Variants in ZNRF1 observed in about 807,000 individuals in gnomAD.
ZNRF1 encodes zinc and ring finger 1, also known as E3 ubiquitin-protein ligase ZNRF1.
ZNRF1 carries 3 observed loss-of-function variants against 18.4 expected under a neutral mutation model. The ratio of observed to expected loss-of-function variants is 0.16; its 90% CI spans 0.07 to 0.42. The LOEUF (loss-of-function observed/expected upper bound fraction) is 0.42. Ranked by LOEUF, ZNRF1 falls within the 10% of genes least tolerant of loss-of-function variation. The probability of loss-of-function intolerance (pLI) is 0.99; values close to 1 mark genes in which losing one functional copy is unlikely to be tolerated. For synonymous variants in ZNRF1, 157 were observed against 144.2 expected, an observed-to-expected ratio of 1.09 and a Z score of -0.64; for missense variants, 310 against 329.8, an observed-to-expected ratio of 0.94 and a Z score of 0.47.
At chr16:75,091,407 G>T (rs2036138131) in intron 1 of ZNRF1, among the ~76,000 whole-genome samples, 1 of 151,358 alleles carries the variant, frequency 6.6e-6, no homozygotes, top group Middle Eastern at 3.4e-3. Flanking sequence ...GTTATCACTA[G>T]TATCAATTAA....
intron 2 of ZNRF1, 48 bp from the exon 3 acceptor site, chr16:75,104,736 G>C: frequency 6.5e-7 from 1 of 1,527,206 alleles, no homozygotes; most frequent in Non-Finnish European, 8.9e-7. Flanking sequence ...CATGCCACCT[G>C]TCCACTGGTG....
chr16:75,019,026 C>T (rs568050368), intron 1 of ZNRF1, among the ~76,000 whole-genome samples: 249 of 152,020 alleles, frequency 1.6e-3, no homozygotes, highest in Admixed American at 3.8e-3. Flanking sequence ...GTTAGCCGGG[C>T]GTGGTGGCGC....
chr16:75,073,182 A>G (rs975579614), intron 1 of ZNRF1, among the ~76,000 whole-genome samples: 8 of 150,976 alleles, frequency 5.3e-5, no homozygotes, highest in African/African-American at 2.0e-4. Flanking sequence ...ATGTATATAT[A>G]TATACACACA....
At chr16:75,029,207 C>T (rs933904473) in intron 1 of ZNRF1, among the ~76,000 whole-genome samples, 6 of 151,914 alleles carry the variant, frequency 3.9e-5, no homozygotes, top group Middle Eastern at 3.4e-3. Flanking sequence ...AGTGCAGTGG[C>T]GCCATCTCAG....
intron 1 of ZNRF1, among the ~76,000 whole-genome samples, chr16:75,024,696 A>G (rs2145340603): frequency 6.6e-6 from 1 of 152,382 alleles, no homozygotes; most frequent in African/African-American, 2.4e-5. Flanking sequence ...AGGGAGTTGG[A>G]AAGGCTGAAC....
chr16:75,057,803 G>C (rs1271709980), intron 1 of ZNRF1, among the ~76,000 whole-genome samples: 3 of 152,150 alleles, frequency 2.0e-5, no homozygotes, highest in African/African-American at 7.2e-5. Flanking sequence ...ACCACACCCA[G>C]CTAATTATTG....
chr16:75,039,759 G>C (rs113740036), intron 1 of ZNRF1, among the ~76,000 whole-genome samples: 9 of 152,186 alleles, frequency 5.9e-5, no homozygotes, highest in East Asian at 1.9e-4. Context: ...TGATTCTTAC[G>C]TGTGCTGTTG....
intron 2 of ZNRF1, among the ~76,000 whole-genome samples, chr16:75,100,572 C>T (rs1445481576): frequency 6.6e-6 from 1 of 152,202 alleles, no homozygotes; most frequent in African/African-American, 2.4e-5. Flanking sequence ...GGGGAGAGAA[C>T]ACACCTGGTG....
At chr16:75,014,072 C>G in intron 1 of ZNRF1, among the ~76,000 whole-genome samples, 1 of 152,124 alleles carries the variant, frequency 6.6e-6, no homozygotes, top group Non-Finnish European at 1.5e-5. Context: ...CTCAGATGAT[C>G]CACCCGCCTT....
At chr16:75,085,791 T>TGTGAGAGA (rs2036065188) in intron 1 of ZNRF1, among the ~76,000 whole-genome samples, 1 of 139,042 alleles carries the variant, frequency 7.2e-6, no homozygotes, top group African/African-American at 2.9e-5. Context: ...TCCGACAGAG[T>TGTGAGAGA]GAGAGAGAGA....
At chr16:75,042,590 T>C (rs1014166698) in intron 1 of ZNRF1, among the ~76,000 whole-genome samples, 2 of 152,186 alleles carry the variant, frequency 1.3e-5, no homozygotes, top group African/African-American at 2.4e-5. Context: ...TCAATTCTGT[T>C]CCATTGATTT....
At chr16:75,002,340 G>A (rs1156961785) in intron 1 of ZNRF1, 1 of 152,198 alleles carries the variant, frequency 6.6e-6, no homozygotes, top group Non-Finnish European at 1.5e-5. Context: ...GCTGCAAGAA[G>A]CAAAACTTGT....
At chr16:75,054,657 TAATA>T (rs2035646718) in intron 1 of ZNRF1, among the ~76,000 whole-genome samples, 1 of 152,250 alleles carries the variant, frequency 6.6e-6, no homozygotes, top group African/African-American at 2.4e-5. Flanking sequence ...AGCAATCAGG[TAATA>T]CTGGCACTTT....
At chr16:75,028,098 A>T (rs1406101586) in intron 1 of ZNRF1, among the ~76,000 whole-genome samples, 1 of 152,134 alleles carries the variant, frequency 6.6e-6, no homozygotes, top group African/African-American at 2.4e-5. Context: ...ACAAAATTTC[A>T]TTCCCACTTC....
At chr16:75,091,995 A>G (rs941952979) in intron 1 of ZNRF1, among the ~76,000 whole-genome samples, 1 of 152,140 alleles carries the variant, frequency 6.6e-6, no homozygotes, top group African/African-American at 2.4e-5. Context: ...ATAAAATGTT[A>G]TTAAGAAAAT....
intron 1 of ZNRF1, among the ~76,000 whole-genome samples, chr16:75,085,524 G>A (rs1272119418): frequency 1.3e-5 from 2 of 152,132 alleles, no homozygotes; most frequent in Non-Finnish European, 2.9e-5. Context: ...GGTATATGTT[G>A]ACATTTCTTT....
intron 1 of ZNRF1, among the ~76,000 whole-genome samples, chr16:75,036,917 G>C (rs1185256810): frequency 6.6e-6 from 1 of 152,180 alleles, no homozygotes; most frequent in East Asian, 1.9e-4. Context: ...CACTTTTATA[G>C]GTCCAGTTGT....
At chr16:75,091,470 T>A (rs1373073576) in intron 1 of ZNRF1, among the ~76,000 whole-genome samples, 1 of 151,618 alleles carries the variant, frequency 6.6e-6, no homozygotes, top group African/African-American at 2.4e-5. Context: ...TACAACAGTA[T>A]AGTGAACTCT....
chr16:75,017,429 T>G (rs751150912), intron 1 of ZNRF1, among the ~76,000 whole-genome samples: 1 of 152,196 alleles, frequency 6.6e-6, no homozygotes, highest in Non-Finnish European at 1.5e-5. Flanking sequence ...GTTGCAGAAC[T>G]TATACAAATA....
Sources: allele counts gnomAD v4.1 joint callset (sites outside exome capture counted in the v4.1 genomes callset), GRCh38; gene constraint gnomAD v4.1.1; transcripts MANE v1.5; gene names NCBI Gene and HGNC (gene_info 2026-07-23, HGNC 2026-07-21).